The following SYT14 variants were observed in gnomAD, a reference collection of about 807,000 sequenced individuals.
The protein encoded by SYT14 is synaptotagmin 14, also known as synaptotagmin-14.
In SYT14, 32 loss-of-function variants were observed where a neutral mutation model predicts 74.2. The ratio of observed to expected loss-of-function variants is 0.43; its 90% CI spans 0.33 to 0.58. The LOEUF (loss-of-function observed/expected upper bound fraction) is 0.58, where lower values mean the gene tolerates loss of function less well. SYT14 is among the 20% of genes least tolerant of loss of function. The pLI is 0.05. For missense variants in SYT14, 791 were observed against 981.8 expected (o/e 0.81, Z 2.60); for synonymous variants, 298 against 337.7 (o/e 0.88, Z 1.29).
chr1:210,082,237 G>A (rs2081629850), intron 5 of SYT14, among the ~76,000 whole-genome samples: 1 of 152,266 alleles, frequency 6.6e-6, no homozygotes, highest in South Asian at 2.1e-4. Context: ...AAGCCATAGA[G>A]CCATTCTAGG....
intron 2 of SYT14, among the ~76,000 whole-genome samples, chr1:209,964,866 A>C (rs2079130620): frequency 6.6e-6 from 1 of 152,252 alleles, no homozygotes; most frequent in African/African-American, 2.4e-5. Flanking sequence ...CATAAACCAT[A>C]GTATTTATAC....
intron 7 of SYT14, among the ~76,000 whole-genome samples, chr1:210,134,887 T>C (rs932810841): frequency 4.6e-5 from 7 of 152,206 alleles, no homozygotes; most frequent in African/African-American, 1.7e-4. Flanking sequence ...CATAACCCCT[T>C]TCTGAAACTC....
At chr1:210,098,890 C>G (rs949378543) in intron 6 of SYT14, among the ~76,000 whole-genome samples, 1 of 152,062 alleles carries the variant, frequency 6.6e-6, no homozygotes, top group African/African-American at 2.4e-5. Flanking sequence ...AGTAGAGATT[C>G]ACCATGTTGG....
At chr1:210,146,416 A>G (rs2083036224) in intron 7 of SYT14, among the ~76,000 whole-genome samples, 1 of 151,778 alleles carries the variant, frequency 6.6e-6, no homozygotes, top group South Asian at 2.1e-4. Context: ...ATGAATTAGG[A>G]TTATAAAATG....
At chr1:210,012,781 A>C (rs1216752038) in intron 2 of SYT14, among the ~76,000 whole-genome samples, 2 of 150,596 alleles carry the variant, frequency 1.3e-5, no homozygotes, top group African/African-American at 4.9e-5. Context: ...GGCTCACTGC[A>C]ACCTCTGCCT....
chr1:210,163,056 G>T (rs1184464674), exon 10 of SYT14: 3 of 453,502 alleles, frequency 6.6e-6, no homozygotes, highest in Non-Finnish European at 1.3e-5. Flanking sequence ...TGAGAAATTG[G>T]ACTTAGGCAT....
intron 7 of SYT14, among the ~76,000 whole-genome samples, chr1:210,130,179 T>G (rs531281682): frequency 6.6e-6 from 1 of 152,240 alleles, no homozygotes; most frequent in African/African-American, 2.4e-5. Flanking sequence ...GAAGTACTTA[T>G]ACACACTATT....
At chr1:210,163,285 A>G (rs2102735193) in exon 10 of SYT14, 1 of 453,696 alleles carries the variant, frequency 2.2e-6, no homozygotes. Flanking sequence ...TATTCCCAGA[A>G]TTGTGTGTGT....
intron 7 of SYT14, among the ~76,000 whole-genome samples, chr1:210,137,177 C>G (rs2082804669): frequency 6.6e-6 from 1 of 152,124 alleles, no homozygotes; most frequent in African/African-American, 2.4e-5. Context: ...CTCTGAAGGC[C>G]CAAACAATAT....
At chr1:210,061,532 T>C (rs2081207767) in intron 5 of SYT14, among the ~76,000 whole-genome samples, 1 of 151,858 alleles carries the variant, frequency 6.6e-6, no homozygotes, top group Non-Finnish European at 1.5e-5. Context: ...ACAGTAAAGG[T>C]GACATAAACT....
chr1:210,036,124 C>T (rs567513575), intron 5 of SYT14, among the ~76,000 whole-genome samples: 10 of 151,824 alleles, frequency 6.6e-5, no homozygotes, highest in Non-Finnish European at 1.2e-4. Flanking sequence ...CTTTCACCTT[C>T]GTGGTTGAAT....
At chr1:210,166,085 T>G (rs1197682327) in exon 10 of SYT14, 1 of 152,106 alleles carries the variant, frequency 6.6e-6, no homozygotes, top group South Asian at 2.1e-4. Context: ...TAGAGTACCG[T>G]GGGATTTAGT....
chr1:210,109,379 A>G (rs1379633548), intron 7 of SYT14, among the ~76,000 whole-genome samples: 2 of 152,082 alleles, frequency 1.3e-5, no homozygotes, highest in Non-Finnish European at 2.9e-5. Flanking sequence ...GGAGGTTGAA[A>G]CCATCCTGGC....
intron 7 of SYT14, among the ~76,000 whole-genome samples, chr1:210,132,720 AG>A (rs2082702810): frequency 6.6e-6 from 1 of 152,002 alleles, no homozygotes; most frequent in Non-Finnish European, 1.5e-5. Context: ...TAATCTTCAG[AG>A]TATTGCAACT....
chr1:209,960,670 C>T (rs988133951), intron 2 of SYT14, among the ~76,000 whole-genome samples: 1 of 151,930 alleles, frequency 6.6e-6, no homozygotes, highest in African/African-American at 2.4e-5. Context: ...AAATATGATC[C>T]GAAATAATAA....
At chr1:210,015,860 A>G (rs573125887) in exon 4 of SYT14, 1 of 1,220,558 alleles carries the variant, frequency 8.2e-7, no homozygotes, top group African/African-American at 1.6e-5. Flanking sequence ...TTACAGAAAG[A>G]TTAAAAGCTA....
intron 7 of SYT14, among the ~76,000 whole-genome samples, chr1:210,148,312 T>C (rs921540270): frequency 2.2e-4 from 34 of 151,922 alleles, no homozygotes; most frequent in African/African-American, 8.0e-4. Flanking sequence ...ATCAAGACCA[T>C]CCTGGCTAAC....
At chr1:210,121,651 A>G (rs555840867) in intron 7 of SYT14, among the ~76,000 whole-genome samples, 159 of 152,040 alleles carry the variant, frequency 1.0e-3, no homozygotes, top group African/African-American at 3.2e-3. Context: ...AAAATTAGCC[A>G]GGCGTGGTGG....
chr1:210,168,805 G>A (rs890637838), exon 10 of SYT14: 4 of 152,122 alleles, frequency 2.6e-5, no homozygotes, highest in Admixed American at 6.6e-5. Context: ...TTATTCCTCA[G>A]GGGTTGGTCC....
Sources: gnomAD v4.1 joint callset for allele counts (sites outside exome capture counted in the v4.1 genomes callset) on GRCh38, gnomAD v4.1.1 for gene constraint, MANE v1.5 for transcripts, NCBI Gene and HGNC (gene_info 2026-07-23, HGNC 2026-07-21) for gene names.